Variants in ZZEF1 observed in about 807,000 individuals in gnomAD.
ZZEF1 encodes the protein zinc finger ZZ-type and EF-hand domain containing 1, also known as zinc finger ZZ-type and EF-hand domain-containing protein 1.
Under a neutral mutation model 342.8 loss-of-function variants are expected in ZZEF1, and 157 were observed. The observed-to-expected ratio is 0.46, with a 90% CI of 0.40 to 0.52. ZZEF1 has a LOEUF of 0.52. Among genes scored for constraint, ZZEF1 ranks in the 20% least tolerant of loss-of-function variants. The pLI, the probability that ZZEF1 is intolerant of heterozygous loss-of-function variation, is 0.00. For missense variants in ZZEF1, 3,480 were observed against 3,725.6 expected, an observed-to-expected ratio of 0.93 and a Z score of 1.72; for synonymous variants, 1,505 against 1,429.1, an observed-to-expected ratio of 1.05 and a Z score of -1.20.
intron 14 of ZZEF1, among the ~76,000 whole-genome samples, chr17:4,087,022 C>T (rs868341711): frequency 5.3e-5 from 8 of 152,184 alleles, no homozygotes; most frequent in Non-Finnish European, 8.8e-5. Flanking sequence ...GCTGAGATTA[C>T]AGGTGCCCAC....
intron 16 of ZZEF1, among the ~76,000 whole-genome samples, chr17:4,084,378 G>A (rs972300152): frequency 6.6e-6 from 1 of 151,632 alleles, no homozygotes; most frequent in Non-Finnish European, 1.5e-5. Context: ...ATCCAACTTG[G>A]CCATAATTTT....
At chr17:4,069,312 T>G (rs888445778) in intron 26 of ZZEF1, among the ~76,000 whole-genome samples, 5 of 152,186 alleles carry the variant, frequency 3.3e-5, no homozygotes, top group African/African-American at 1.2e-4. Context: ...CCATACAGGT[T>G]ACATCACCCC....
chr17:4,118,627 A>G, intron 2 of ZZEF1, among the ~76,000 whole-genome samples: 1 of 152,138 alleles, frequency 6.6e-6, no homozygotes, highest in East Asian at 1.9e-4. Context: ...TCACTGGATA[A>G]ATGGGCCAGA....
At position 4,086,569 on chromosome 17, in the gene ZZEF1, G is replaced by A. The variant is rs2057829840; in HGVS notation, c.2429C>T (p.Ala810Val). The change falls in exon 15 of 55, where the codon GCT becomes GTT. Residue 810 changes from alanine to valine, a missense_variant. Ala to Val is a moderately conservative substitution (Grantham distance 64). Around this residue, in one of 5 missense-constraint regions of ZZEF1, gnomAD observed 1,528 missense variants for 1,624.1 expected, o/e 0.94. Transcript: ENST00000381638. The stretch of plus-strand genomic sequence containing the variant: ...TGGAGCCTTTTCCTCCTCAGAAGCA[G>A]CCAGTACATCTCCCTGCAGCACAGA... The part of the protein sequence containing the change: ...CFSVLQGDVL[A>V]ASEEEKAPIQ... The A allele has an allele frequency of 1.2e-6, 2 of 1,614,060 alleles. No homozygotes were observed. Among genetic ancestry groups the A allele is most frequent in the Non-Finnish European group, 8.5e-7 (1 of 1,180,028 alleles).
At chr17:4,022,900 T>C in intron 43 of ZZEF1, 72 bp from the exon 44 acceptor site, 1 of 1,563,556 alleles carries the variant, frequency 6.4e-7, no homozygotes, top group Non-Finnish European at 8.7e-7. Flanking sequence ...TGTAACTCAG[T>C]CTGTTCATTC....
chr17:4,019,549 T>A (rs2056209633), intron 46 of ZZEF1, 120 bp downstream of exon 46: 1 of 864,798 alleles, frequency 1.2e-6, no homozygotes, highest in Non-Finnish European at 1.8e-6. Context: ...GACTAGCAAC[T>A]GCTTCCCGGC....
chr17:4,071,960 G>A (rs945913673), intron 25 of ZZEF1, among the ~76,000 whole-genome samples: 2 of 152,122 alleles, frequency 1.3e-5, no homozygotes, highest in African/African-American at 4.8e-5. Context: ...AGGGAAGGAG[G>A]AATATGAAAA....
rs2056105995 is a variant in ZZEF1, at chr17:4,016,517, G to T, written c.8002-51C>A. ...CAGGGCCTGCAAGTGGCATCAGGAA[G>T]AAGGGACAGTTTACTTCAACCCAAG... is the stretch of plus-strand genomic sequence containing the variant. On this transcript the variant is annotated intron_variant, in intron 48 of 54. Coordinates refer to ENST00000381638, the MANE Select transcript of ZZEF1 (RefSeq NM_015113.4). The surrounding 1 kb of genome is among the most constrained non-coding windows in gnomAD (Gnocchi z 4.4). The T allele has an allele frequency of 6.4e-7, 1 of 1,564,718 alleles. No homozygotes were observed. Among genetic ancestry groups the T allele is most frequent in the Non-Finnish European group, 8.6e-7 (1 of 1,163,732 alleles).
intron 30 of ZZEF1, among the ~76,000 whole-genome samples, chr17:4,060,339 C>T (rs375112164): frequency 2.6e-5 from 4 of 152,052 alleles, no homozygotes; most frequent in Non-Finnish European, 5.9e-5. Flanking sequence ...CTGAGCCGGG[C>T]GGATCAATTG....
intron 52 of ZZEF1, among the ~76,000 whole-genome samples, chr17:4,011,695 C>G (rs2055962239): frequency 6.6e-6 from 1 of 151,440 alleles, no homozygotes; most frequent in South Asian, 2.1e-4. Flanking sequence ...TTGGATTTTG[C>G]TTTTTTTTAA....
chr17:4,108,168 A>C (rs2058241815), intron 6 of ZZEF1, among the ~76,000 whole-genome samples: 1 of 152,244 alleles, frequency 6.6e-6, no homozygotes. Flanking sequence ...ACAATGGAAA[A>C]GTCTGGCAAA....
At chr17:4,055,410 G>C (rs1003801268) in intron 33 of ZZEF1, among the ~76,000 whole-genome samples, 4 of 152,212 alleles carry the variant, frequency 2.6e-5, no homozygotes, top group Non-Finnish European at 5.9e-5. Flanking sequence ...GGCACATGTG[G>C]TAGCGATGGA....
chr17:4,075,012 C>T, intron 23 of ZZEF1, 85 bp downstream of exon 23: 1 of 1,373,990 alleles, frequency 7.3e-7, no homozygotes, highest in South Asian at 1.2e-5. Context: ...CCTTCAAAGA[C>T]CTTACCTCTA....
chr17:4,036,776 TACACACACACACAC>T lies in ZZEF1; in HGVS notation c.6307-2498_6307-2485del, dbSNP rs761229612. Among the ~76,000 whole-genome samples the T allele has an allele frequency of 7.8e-3, 779 of 99,936 alleles. 6 individuals are homozygous for T. Among genetic ancestry groups the T allele is most frequent in the Non-Finnish European group, 0.012 (636 of 51,300 alleles). 65.6% of individuals were successfully genotyped at this position (99,936 alleles called of 152,430 possible). A position where few individuals can be genotyped will look rare whatever the true frequency, so the allele number is the denominator to read the frequency against. On this transcript the variant is annotated intron_variant, in intron 39 of 54. Transcript: ENST00000381638. Reference sequence around the variant, plus strand: ...CACTGCTCTAAATAAATATATAGAATACACACACACACACACACACACACACACACACACACACA... The same window carrying T: ...CACTGCTCTAAATAAATATATAGAATACACACACACACACACACACACACA...
chr17:4,050,650 C>A, intron 36 of ZZEF1, 131 bp downstream of exon 36: 1 of 1,312,440 alleles, frequency 7.6e-7, no homozygotes, highest in South Asian at 1.3e-5. Flanking sequence ...AGTTCCACAC[C>A]AGGGTAAGCC....
At chr17:4,030,279 G>A (rs960967574) in intron 42 of ZZEF1, among the ~76,000 whole-genome samples, 22 of 152,172 alleles carry the variant, frequency 1.4e-4, no homozygotes, top group African/African-American at 5.1e-4. Flanking sequence ...AGAGAAGACG[G>A]CTCATACCCC....
rs769070586 is a variant in ZZEF1, at chr17:4,076,705, T to G, written c.3166A>C (p.Arg1056=). ...AGTTCTGTGAGGACGCTGAACTCTCTCAAGAGCACGCAGTGTGGGATGTCT... is the reference window on the plus strand; with the variant it reads ...AGTTCTGTGAGGACGCTGAACTCTCGCAAGAGCACGCAGTGTGGGATGTCT... ...TLDIPHCVLL[R]EFSVLTELLK... is the part of the protein sequence containing the mutation. Residue 1056 remains arginine, a synonymous_variant, in exon 21 of 55, where the codon AGA becomes CGA. Coordinates refer to ENST00000381638, the MANE Select transcript of ZZEF1 (RefSeq NM_015113.4). The G allele has an allele frequency of 8.7e-6, 14 of 1,613,202 alleles. No homozygotes were observed. The highest frequency in any genetic ancestry group is 1.2e-5 in the Non-Finnish European group (14 of 1,179,340).
At chr17:4,028,052 C>A (rs548669657) in intron 42 of ZZEF1, among the ~76,000 whole-genome samples, 1 of 152,102 alleles carries the variant, frequency 6.6e-6, no homozygotes, top group Admixed American at 6.5e-5. Context: ...CAGTAGTGTA[C>A]CTTCAAATAA....
chr17:4,094,913 A>G (rs1459943350), intron 11 of ZZEF1, among the ~76,000 whole-genome samples: 2 of 151,976 alleles, frequency 1.3e-5, no homozygotes, highest in Non-Finnish European at 2.9e-5. Context: ...TCCAGTCCAT[A>G]CTACACACAA....
Sources: gnomAD v4.1 joint callset for allele counts (sites outside exome capture counted in the v4.1 genomes callset) on GRCh38, gnomAD v4.1.1 for gene constraint, gnomAD v4.1.1 regional missense constraint, Gnocchi (gnomAD v3.1) non-coding constraint, MANE v1.5 for transcripts, NCBI Gene and HGNC (gene_info 2026-07-23, HGNC 2026-07-21) for gene names.